Variants in MCPH1 observed in about 807,000 individuals in gnomAD.
The protein encoded by MCPH1 is microcephalin.
MCPH1 carries 104 observed loss-of-function variants against 84.5 expected under a neutral mutation model. That is an observed-to-expected ratio of 1.23 (90% CI 1.05 to 1.45). MCPH1 has a LOEUF of 1.45. Among genes scored for constraint, MCPH1 ranks in the 40% most tolerant of loss-of-function variants. The probability of loss-of-function intolerance (pLI) is 0.00; values close to 1 mark genes in which losing one functional copy is unlikely to be tolerated. For missense variants in MCPH1, 1,498 were observed against 1,005.7 expected (o/e 1.49, Z -6.62); for synonymous variants, 514 against 366.8 (o/e 1.40, Z -4.58).
chr8:6,619,389 C>G (rs552948705), intron 12 of MCPH1, among the ~76,000 whole-genome samples: 1 of 152,290 alleles, frequency 6.6e-6, no homozygotes, highest in South Asian at 2.1e-4. Context: ...CTCCCAGATT[C>G]AAGCGATTCT....
chr8:6,519,858 C>T (rs775503402), intron 12 of MCPH1: 3 of 1,613,554 alleles, frequency 1.9e-6, no homozygotes, highest in Non-Finnish European at 2.5e-6. Context: ...GAGACGAATA[C>T]CTCACCTTGA....
intron 12 of MCPH1, chr8:6,513,981 C>A: frequency 1.2e-6 from 1 of 834,588 alleles, no homozygotes; most frequent in Non-Finnish European, 1.8e-6. Flanking sequence ...AATTTAGGGT[C>A]CTTCCCAAAG....
intron 8 of MCPH1, chr8:6,446,900 G>A (rs571081730): frequency 5.1e-6 from 5 of 985,252 alleles, no homozygotes; most frequent in Middle Eastern, 5.2e-4. Flanking sequence ...GACAGCCTCC[G>A]GGGTTGGGGG....
At chr8:6,571,662 C>G (rs189658400) in intron 12 of MCPH1, among the ~76,000 whole-genome samples, 5 of 152,086 alleles carry the variant, frequency 3.3e-5, no homozygotes, top group Non-Finnish European at 1.5e-5. Flanking sequence ...GATATATTAT[C>G]TCTCTTGGTT....
chr8:6,505,312 A>ATCTT (rs1813219826), intron 12 of MCPH1, among the ~76,000 whole-genome samples: 1 of 51,354 alleles, frequency 1.9e-5, no homozygotes, highest in African/African-American at 1.2e-4. Context: ...TGTATATAAC[A>ATCTT]TATATATGTT....
chr8:6,423,817 A>G (rs1008994915), intron 3 of MCPH1, among the ~76,000 whole-genome samples: 1 of 152,190 alleles, frequency 6.6e-6, no homozygotes, highest in African/African-American at 2.4e-5. Flanking sequence ...GGAATTATCA[A>G]AAAAATGCAT....
At chr8:6,437,883 T>C (rs1026983361) in intron 5 of MCPH1, among the ~76,000 whole-genome samples, 8 of 152,162 alleles carry the variant, frequency 5.3e-5, no homozygotes, top group African/African-American at 1.9e-4. Context: ...CTGCAGCCAC[T>C]CCTTACGCTG....
chr8:6,603,301 C>A (rs1486181929), intron 12 of MCPH1, among the ~76,000 whole-genome samples: 2 of 151,948 alleles, frequency 1.3e-5, no homozygotes, highest in Admixed American at 6.6e-5. Flanking sequence ...GGTGATTGTG[C>A]AGGGGTGGAA....
At chr8:6,457,022 T>C (rs1015179380) in intron 9 of MCPH1, among the ~76,000 whole-genome samples, 2 of 152,174 alleles carry the variant, frequency 1.3e-5, no homozygotes. Flanking sequence ...AAGGTGGTAT[T>C]ACTGTCTTGA....
chr8:6,407,803 C>T (rs1270468764), intron 1 of MCPH1, among the ~76,000 whole-genome samples: 1 of 152,166 alleles, frequency 6.6e-6, no homozygotes, highest in African/African-American at 2.4e-5. Flanking sequence ...TCACTATGCC[C>T]CCCAGGCCAT....
chr8:6,615,054 C>T (rs113590626), intron 12 of MCPH1, among the ~76,000 whole-genome samples: 189 of 152,336 alleles, frequency 1.2e-3, no homozygotes, highest in African/African-American at 4.4e-3. Context: ...TAAGCACGAA[C>T]GGTCTGGTCC....
intron 12 of MCPH1, among the ~76,000 whole-genome samples, chr8:6,522,000 C>T (rs1246826625): frequency 6.6e-6 from 1 of 152,208 alleles, no homozygotes; most frequent in Non-Finnish European, 1.5e-5. Context: ...ATGTCCTCAC[C>T]TGTTAATTAG....
intron 12 of MCPH1, chr8:6,527,412 C>T (rs988408781): frequency 1.0e-6 from 1 of 981,506 alleles, no homozygotes; most frequent in Middle Eastern, 3.4e-4. Flanking sequence ...CAAGCCCTCT[C>T]CCTTCTCCTC....
intron 12 of MCPH1, chr8:6,513,612 C>T (rs35473795): frequency 0.3 from 427,424 of 1,409,356 alleles, 70,712 homozygotes; most frequent in Middle Eastern, 0.36. Flanking sequence ...GGATTACAGG[C>T]GTGAGCCACC....
intron 12 of MCPH1, among the ~76,000 whole-genome samples, chr8:6,575,388 G>A (rs998501459): frequency 2.0e-4 from 31 of 152,330 alleles, no homozygotes; most frequent in African/African-American, 7.2e-4. Context: ...ACAGGTGCAG[G>A]TTCTGCAGAT....
At chr8:6,544,756 T>C (rs1191874713) in intron 12 of MCPH1, among the ~76,000 whole-genome samples, 1 of 152,076 alleles carries the variant, frequency 6.6e-6, no homozygotes, top group Non-Finnish European at 1.5e-5. Flanking sequence ...GCATTTAGAG[T>C]TACACTTTGC....
chr8:6,617,002 A>T (rs1830861396), intron 12 of MCPH1: 1 of 152,054 alleles, frequency 6.6e-6, no homozygotes. Flanking sequence ...ACAGCTTCAT[A>T]AGTTGTAAAT....
intron 12 of MCPH1, among the ~76,000 whole-genome samples, chr8:6,547,585 G>A (rs192121403): frequency 2.6e-5 from 4 of 152,272 alleles, no homozygotes; most frequent in African/African-American, 7.2e-5. Flanking sequence ...TTGGACCACC[G>A]TAGAATGGCT....
At chr8:6,473,786 T>C (rs1808076979) in intron 9 of MCPH1, 4 of 978,362 alleles carry the variant, frequency 4.1e-6, no homozygotes, top group Admixed American at 2.8e-5. Flanking sequence ...ACAATTTCTA[T>C]GATGTCAGCA....
Sources: gnomAD v4.1 joint callset for allele counts (sites outside exome capture counted in the v4.1 genomes callset) on GRCh38, gnomAD v4.1.1 for gene constraint, MANE v1.5 for transcripts, NCBI Gene and HGNC (gene_info 2026-07-23, HGNC 2026-07-21) for gene names.